The following NRF1 variants were observed in gnomAD, a reference collection of about 807,000 sequenced individuals.
NRF1 encodes the protein alpha palindromic-binding protein.
NRF1 carries 5 observed loss-of-function variants against 58.5 expected under a neutral mutation model. The ratio of observed to expected loss-of-function variants is 0.09; its 90% CI spans 0.04 to 0.18. NRF1 has a LOEUF of 0.18. NRF1 is among the 10% of genes least tolerant of loss of function. NRF1 has a pLI of 1.00. For missense variants in NRF1, 288 were observed against 657.7 expected (o/e 0.44, Z 6.15); for synonymous variants, 224 against 246.7 (o/e 0.91, Z 0.86).
At chr7:129,715,419 T>A (rs2116211765) in intron 8 of NRF1, among the ~76,000 whole-genome samples, 1 of 152,330 alleles carries the variant, frequency 6.6e-6, no homozygotes, top group South Asian at 2.1e-4. Flanking sequence ...GTATGATTTT[T>A]ATTTTTGGGT....
chr7:129,629,153 T>C (rs1011445953), intron 1 of NRF1, among the ~76,000 whole-genome samples: 1 of 152,232 alleles, frequency 6.6e-6, no homozygotes, highest in Non-Finnish European at 1.5e-5. Context: ...AGAAAATGTC[T>C]GTCAAATACC....
chr7:129,613,504 G>T (rs1184893795), intron 1 of NRF1, among the ~76,000 whole-genome samples: 1 of 151,928 alleles, frequency 6.6e-6, no homozygotes, highest in Admixed American at 6.6e-5. Flanking sequence ...CCTAAATTGT[G>T]GGCAGAATTT....
At chr7:129,647,391 T>C (rs978045403) in intron 1 of NRF1, among the ~76,000 whole-genome samples, 1 of 151,270 alleles carries the variant, frequency 6.6e-6, no homozygotes, top group Non-Finnish European at 1.5e-5. Flanking sequence ...TAAAGCTTTT[T>C]TTTCTTTTCT....
chr7:129,692,644 T>G (rs983690318), intron 5 of NRF1, among the ~76,000 whole-genome samples: 1 of 152,208 alleles, frequency 6.6e-6, no homozygotes, highest in Admixed American at 6.5e-5. Flanking sequence ...AGCCCTGTAA[T>G]GGTTTTCCAC....
intron 5 of NRF1, among the ~76,000 whole-genome samples, chr7:129,703,023 T>C (rs1163026558): frequency 6.6e-6 from 1 of 152,196 alleles, no homozygotes; most frequent in Non-Finnish European, 1.5e-5. Context: ...ATTTCTAGCA[T>C]AGCAAGAATT....
chr7:129,735,078 GCCCTTGCTTGGGGTCC>G (rs1803674410), intron 10 of NRF1: 1 of 985,316 alleles, frequency 1.0e-6, no homozygotes. Context: ...TCTGCCTACA[GCCCTTGCTTGGGGTCC>G]CCCAGAGATT....
rs1180444796 is a variant in NRF1 at position 129,756,578 on chromosome 7, T to TAG, written c.*1397_*1398insAG. 6.6e-5 allele frequency: 10 copies of TAG among 152,670 alleles called. No individual in the cohort carries two copies. The highest frequency in any genetic ancestry group is 2.4e-4 in the African/African-American group (10 of 41,444). The allele number at this position is 152,670 out of a possible 1,614,324, so 9.5% of individuals were successfully genotyped here. A position where few individuals can be genotyped will look rare whatever the true frequency, so the allele number is the denominator to read the frequency against. On this transcript the variant is annotated 3_prime_UTR_variant, in exon 11 of 11. Coordinates refer to ENST00000393232, the MANE Select transcript of NRF1 (RefSeq NM_005011.5). ...AGCCCTGAGTCTCCAGTAGCTGAAT[T>TAG]CACCTGACTTTTCAACAGGCCAAAT...
intron 10 of NRF1, among the ~76,000 whole-genome samples, chr7:129,750,339 C>T (rs992535238): frequency 6.6e-6 from 1 of 152,190 alleles, no homozygotes; most frequent in Non-Finnish European, 1.5e-5. Context: ...CTTCCAAGGG[C>T]AGCCGCCCGA....
intron 5 of NRF1, among the ~76,000 whole-genome samples, chr7:129,699,072 C>T (rs974957409): frequency 2.0e-5 from 3 of 152,192 alleles, no homozygotes; most frequent in African/African-American, 7.2e-5. Flanking sequence ...CTTGAACTTA[C>T]TGCCCTCCTC....
At chr7:129,643,792 A>G (rs1457116023) in intron 1 of NRF1, among the ~76,000 whole-genome samples, 1 of 152,242 alleles carries the variant, frequency 6.6e-6, no homozygotes, top group Non-Finnish European at 1.5e-5. Flanking sequence ...CAGTGTGGAT[A>G]GACTGCTTTC....
chr7:129,634,701 A>C (rs181621831), intron 1 of NRF1, among the ~76,000 whole-genome samples: 2 of 152,298 alleles, frequency 1.3e-5, no homozygotes. Context: ...TATTTGAGTA[A>C]ATACCAAGGA....
chr7:129,637,819 A>T (rs1178173311), intron 1 of NRF1, among the ~76,000 whole-genome samples: 1 of 151,886 alleles, frequency 6.6e-6, no homozygotes, highest in Non-Finnish European at 1.5e-5. Context: ...AGCCCAACAC[A>T]AATTCATAAA....
intron 1 of NRF1, among the ~76,000 whole-genome samples, chr7:129,631,236 ATTTT>A (rs55900304): frequency 4.1e-5 from 6 of 146,152 alleles, no homozygotes; most frequent in Non-Finnish European, 4.5e-5. Context: ...ATTTGATTTA[ATTTT>A]TTTTTTTTTT....
intron 10 of NRF1, among the ~76,000 whole-genome samples, chr7:129,740,904 T>C (rs1231676643): frequency 1.3e-5 from 2 of 152,166 alleles, no homozygotes; most frequent in Admixed American, 6.5e-5. Context: ...AATGAGATGA[T>C]AGGCCAGTAG....
chr7:129,665,275 C>A (rs1254510298), intron 2 of NRF1, among the ~76,000 whole-genome samples: 1 of 152,232 alleles, frequency 6.6e-6, no homozygotes. Context: ...TTTCGAGAGG[C>A]AGCAGAGCAC....
At chr7:129,619,484 G>GTATATA (rs1271593762) in intron 1 of NRF1, among the ~76,000 whole-genome samples, 16 of 68,502 alleles carry the variant, frequency 2.3e-4, no homozygotes, top group Non-Finnish European at 3.3e-4. Flanking sequence ...GTGTGTGTGT[G>GTATATA]TGTGTGTATA....
intron 2 of NRF1, among the ~76,000 whole-genome samples, chr7:129,663,572 G>A (rs1331037431): frequency 2.6e-5 from 4 of 151,310 alleles, no homozygotes; most frequent in South Asian, 4.2e-4. Flanking sequence ...GACGATGGGC[G>A]GCCAGGCAGA....
chr7:129,704,108 T>C (rs2116170823), intron 5 of NRF1, among the ~76,000 whole-genome samples: 1 of 143,568 alleles, frequency 7.0e-6, no homozygotes, highest in Middle Eastern at 3.4e-3. Flanking sequence ...AGGGAGCTGC[T>C]TGTATTAATA....
intron 10 of NRF1, among the ~76,000 whole-genome samples, chr7:129,734,734 G>A (rs1384513611): frequency 6.6e-6 from 1 of 152,236 alleles, no homozygotes; most frequent in Non-Finnish European, 1.5e-5. Flanking sequence ...TTTGCAATTA[G>A]TGAATGTGTC....
Sources: gnomAD v4.1 joint callset for allele counts (sites outside exome capture counted in the v4.1 genomes callset) on GRCh38, gnomAD v4.1.1 for gene constraint, MANE v1.5 for transcripts, NCBI Gene and HGNC (gene_info 2026-07-23, HGNC 2026-07-21) for gene names.